The following BUD13 variants were observed in gnomAD, a reference collection of about 807,000 sequenced individuals.
The protein encoded by BUD13 is BUD13 spliceosome associated protein, also known as BUD13 homolog.
Under a neutral mutation model 62.5 loss-of-function variants are expected in BUD13, and 47 were observed. The ratio of observed to expected loss-of-function variants is 0.75; its 90% CI spans 0.60 to 0.96. BUD13 has a LOEUF of 0.96. Ranked by LOEUF, BUD13 falls within the 40% of genes least tolerant of loss-of-function variation. The pLI, the probability that BUD13 is intolerant of heterozygous loss-of-function variation, is 0.00. For missense variants in BUD13, 821 were observed against 790.9 expected, an observed-to-expected ratio of 1.04 and a Z score of -0.46; for synonymous variants, 293 against 280.1, an observed-to-expected ratio of 1.05 and a Z score of -0.46.
chr11:116,768,875 C>A (rs749182798), intron 2 of BUD13, among the ~76,000 whole-genome samples: 1 of 151,712 alleles, frequency 6.6e-6, no homozygotes, highest in Non-Finnish European at 1.5e-5. Flanking sequence ...ATTAGCCGGG[C>A]GTGTTGGTGG....
rs1223731123 is a variant in BUD13 at position 116,748,190 on chromosome 11, C to A, written c.*292G>T. On this transcript the variant is annotated 3_prime_UTR_variant, in exon 10 of 10. Coordinates refer to ENST00000260210, the MANE Select transcript of BUD13 (RefSeq NM_032725.4). ...GAAGATAATTTTAAAAAAATAAATA[C>A]ATGTTTATTTAAAAAAGAAAAAGAA... 2.1e-5 allele frequency: 6 copies of A among 282,436 alleles called. No homozygotes were observed. The highest frequency in any genetic ancestry group is 3.3e-5 in the Non-Finnish European group (5 of 151,058). 17.5% of individuals were successfully genotyped at this position (282,436 alleles called of 1,614,324 possible).
chr11:116,758,657 G>A (rs946048256), intron 6 of BUD13, among the ~76,000 whole-genome samples: 3 of 137,500 alleles, frequency 2.2e-5, no homozygotes, highest in African/African-American at 8.3e-5. Context: ...GCGCGATCTT[G>A]GCTCACTGCA....
Position 116,765,408 on chromosome 11 carries a change from C to T in BUD13, c.276G>A (p.Lys92=). 1 of 1,614,192 alleles carries T rather than the reference C, an allele frequency of 6.2e-7. No individual in the cohort carries two copies. Among genetic ancestry groups the T allele is most frequent in the Non-Finnish European group, 8.5e-7 (1 of 1,180,024 alleles). ...EFVDERPEEV[K]QMEAFRSSAK... ...CACTGGAACGAAAGGCCTCCATCTG[C>T]TTTACCTCTTCTGGCCGCTCATCCA... Residue 92 remains lysine (K), a synonymous_variant, in exon 3 of 10, where the codon AAG becomes AAA. Coordinates refer to ENST00000260210, the MANE Select transcript of BUD13 (RefSeq NM_032725.4).
intron 9 of BUD13, among the ~76,000 whole-genome samples, chr11:116,755,844 A>C (rs1442190753): frequency 2.0e-5 from 3 of 152,044 alleles, no homozygotes. Context: ...TCTGAGTTTT[A>C]ATTTATAATA....
chr11:116,759,460 AG>A (rs1299316094), intron 5 of BUD13, among the ~76,000 whole-genome samples: 1 of 152,236 alleles, frequency 6.6e-6, no homozygotes, highest in African/African-American at 2.4e-5. Flanking sequence ...GCACACATGA[AG>A]ACTATCTCAG....
At position 116,748,394 on chromosome 11, in the gene BUD13, A is replaced by G. The variant is rs1247102194; in HGVS notation, c.*88T>C. ...AAGTTGCTGGTCTGTGTGGGCTCCA[A>G]TTATTAGCACAGACAACTGTTACCA... On this transcript the variant is annotated 3_prime_UTR_variant, in exon 10 of 10. Transcript: ENST00000260210. 3.3e-6 allele frequency: 4 copies of G among 1,222,786 alleles called. No homozygotes were observed. In the Admixed American group the frequency reaches 5.4e-5, roughly 17 times the overall value. 75.7% of individuals were successfully genotyped at this position (1,222,786 alleles called of 1,614,324 possible).
chr11:116,750,918 C>T (rs954027543), intron 9 of BUD13, among the ~76,000 whole-genome samples: 1 of 152,170 alleles, frequency 6.6e-6, no homozygotes, highest in Non-Finnish European at 1.5e-5. Flanking sequence ...GGACCCCCAC[C>T]ACCTGGTAAC....
intron 2 of BUD13, among the ~76,000 whole-genome samples, chr11:116,767,552 C>T (rs1176805802): frequency 7.2e-6 from 1 of 139,744 alleles, no homozygotes; most frequent in Non-Finnish European, 1.5e-5. Flanking sequence ...GAGATCACGC[C>T]ACTGCACTCC....
rs1420646568 is a variant in BUD13, at chr11:116,759,086, T to C, written c.1348A>G (p.Met450Val). The C allele has an allele frequency of 6.2e-6, 10 of 1,613,728 alleles. No individual in the cohort carries two copies. The South Asian group carries it at 7.7e-5, about 12-fold the overall frequency. ...QELKEQDQET[M>V]AFEAEFQYAE... ...TTCATATTTTTACCTTCAAATGCCA[T>C]GGTTTCTTGATCCTGTTCCTTGAGC... Residue 450 changes from methionine (M) to valine (V), a missense_variant, in exon 6 of 10, where the codon ATG becomes GTG. Around this residue, in one of 2 missense-constraint regions of BUD13, gnomAD observed 800 missense variants for 739.2 expected, o/e 1.08. Coordinates refer to ENST00000260210, the MANE Select transcript of BUD13 (RefSeq NM_032725.4).
At chr11:116,758,020 T>C (rs1335706739) in intron 7 of BUD13, 70 bp from the exon 8 acceptor site, 2 of 1,563,338 alleles carry the variant, frequency 1.3e-6, no homozygotes, top group Non-Finnish European at 1.7e-6. Context: ...AGATGGACCA[T>C]ACTGCTAAGT....
At chr11:116,771,327 TG>T (rs1271781983) in intron 1 of BUD13, among the ~76,000 whole-genome samples, 1 of 152,220 alleles carries the variant, frequency 6.6e-6, no homozygotes, top group Non-Finnish European at 1.5e-5. Flanking sequence ...ACAGGGACTA[TG>T]TTTTTTTTGT....
At chr11:116,752,985 A>T (rs1305647056) in intron 9 of BUD13, among the ~76,000 whole-genome samples, 2 of 152,198 alleles carry the variant, frequency 1.3e-5, no homozygotes, top group Admixed American at 1.3e-4. Context: ...GGCCCATATA[A>T]GGTGGGGAGA....
chr11:116,763,999 G>A (rs1940484760), intron 3 of BUD13, among the ~76,000 whole-genome samples: 1 of 152,176 alleles, frequency 6.6e-6, no homozygotes. Flanking sequence ...TGAGGAAGTT[G>A]ATACTCAGAA....
rs1003338770 is a variant in BUD13 at position 116,770,356 on chromosome 11, T to C, written c.144-134A>G. On this transcript the variant is annotated intron_variant, in intron 1 of 9. Transcript: ENST00000260210. ...TCCAGTCTTTGTCTACAAGGTCAAC[T>C]TCATCTCCTACTGCTACTTCCTTGG... 6.1e-6 allele frequency: 4 copies of C among 657,320 alleles called. No homozygotes were observed. In the East Asian group the frequency reaches 1.3e-4, roughly 21 times the overall value. 40.7% of individuals were successfully genotyped at this position (657,320 alleles called of 1,614,324 possible).
rs192644132 is a variant in BUD13, at chr11:116,751,490, G to T, written c.1767-2915C>A. 1.6e-4 allele frequency among the ~76,000 whole-genome samples: 24 copies of T among 152,000 alleles called. No homozygotes were observed. In the East Asian group the frequency reaches 4.7e-3, roughly 30 times the overall value. On this transcript the variant is annotated intron_variant, in intron 9 of 9. Coordinates refer to ENST00000260210, the MANE Select transcript of BUD13 (RefSeq NM_032725.4). ...CTAAAAATACAAAAATTAGCTGGGC[G>T]TGGTGCTCACGCCTGTAATCCCAGC...
intron 6 of BUD13, 69 bp downstream of exon 6, chr11:116,759,005 C>T (rs1940382940): frequency 1.8e-6 from 2 of 1,112,084 alleles, no homozygotes; most frequent in African/African-American, 1.8e-5. Context: ...ATATCAGGTA[C>T]AATAAGCTAA....
At chr11:116,753,980 G>C (rs773252797) in intron 9 of BUD13, among the ~76,000 whole-genome samples, 31 of 152,158 alleles carry the variant, frequency 2.0e-4, no homozygotes, top group Non-Finnish European at 4.3e-4. Context: ...TTCTCTTCAA[G>C]TGCAAAGGAA....
At chr11:116,765,543 A>C in intron 2 of BUD13, 97 bp from the exon 3 acceptor site, 2 of 1,313,430 alleles carry the variant, frequency 1.5e-6, no homozygotes, top group Non-Finnish European at 2.2e-6. Context: ...CCGATTCCTA[A>C]CACAAGGGCG....
At chr11:116,749,661 G>A (rs117164485) in intron 9 of BUD13, among the ~76,000 whole-genome samples, 2,358 of 152,288 alleles carry the variant, frequency 0.015, 33 homozygotes, top group Non-Finnish European at 0.024. Context: ...TTGGAAAGGC[G>A]CAGAGGCCAA....
Sources: allele counts gnomAD v4.1 joint callset (sites outside exome capture counted in the v4.1 genomes callset), GRCh38; gene constraint gnomAD v4.1.1; regional missense constraint gnomAD v4.1.1; transcripts MANE v1.5; gene names NCBI Gene and HGNC (gene_info 2026-07-23, HGNC 2026-07-21).